The following PRP4K variants were observed in gnomAD, a reference collection of about 807,000 sequenced individuals.
The protein encoded by PRP4K is pre-mRNA processing factor kinase PRP4K.
At chr6:4,038,252 A>G in the PRP4K span, among the ~76,000 whole-genome samples, 1 of 152,070 alleles carries the variant, frequency 6.6e-6, no homozygotes, top group Middle Eastern at 3.2e-3. Context: ...ATGGAAATGC[A>G]TGGTCTGAGT....
chr6:4,049,924 TACAGAAGAAC>T, the PRP4K span: 1 of 1,571,770 alleles, frequency 6.4e-7, no homozygotes, highest in African/African-American at 1.4e-5. Context: ...TACGGATACT[TACAGAAGAAC>T]ATATTTTTAA....
At chr6:4,040,445 T>C in the PRP4K span, among the ~76,000 whole-genome samples, 9 of 152,100 alleles carry the variant, frequency 5.9e-5, no homozygotes, top group African/African-American at 1.9e-4. Context: ...AAAGAAACAG[T>C]AGGTATTTAT....
At chr6:4,052,008 T>C in the PRP4K span, 2 of 1,604,184 alleles carry the variant, frequency 1.2e-6, no homozygotes, top group Non-Finnish European at 1.7e-6. Context: ...TTAATGATGC[T>C]GATCCTGATG....
At chr6:4,022,821 G>A in the PRP4K span, among the ~76,000 whole-genome samples, 1 of 152,128 alleles carries the variant, frequency 6.6e-6, no homozygotes. Context: ...TGCCAGTACC[G>A]TGCAGATCTC....
At chr6:4,035,600 G>A in the PRP4K span, among the ~76,000 whole-genome samples, 19 of 152,212 alleles carry the variant, frequency 1.2e-4, 1 homozygote, top group African/African-American at 4.1e-4. Flanking sequence ...CATTTTGGCT[G>A]GATCAGAGAA....
At chr6:4,029,012 C>CTTTT in the PRP4K span, among the ~76,000 whole-genome samples, 93 of 132,552 alleles carry the variant, frequency 7.0e-4, 11 homozygotes, top group Non-Finnish European at 1.3e-3. Flanking sequence ...TACTTGGAAT[C>CTTTT]TTTTTTTTTT....
the PRP4K span, among the ~76,000 whole-genome samples, chr6:4,036,275 G>A: frequency 1.6e-3 from 241 of 152,216 alleles, 1 homozygote; most frequent in African/African-American, 3.6e-3. Flanking sequence ...AGGCTGGAGT[G>A]CAGTGGCATG....
the PRP4K span, among the ~76,000 whole-genome samples, chr6:4,026,482 T>C: frequency 0.046 from 7,057 of 151,966 alleles, 237 homozygotes; most frequent in Non-Finnish European, 0.066. Context: ...TTTTGTATTT[T>C]TGTAGAGACA....
At chr6:4,027,592 C>T in the PRP4K span, among the ~76,000 whole-genome samples, 2 of 7,904 alleles carry the variant, frequency 2.5e-4, no homozygotes, top group Non-Finnish European at 6.3e-4. Context: ...GCTTATTTGG[C>T]GGAGGGGTGG....
chr6:4,025,848 G>C, the PRP4K span, among the ~76,000 whole-genome samples: 1 of 152,200 alleles, frequency 6.6e-6, no homozygotes, highest in African/African-American at 2.4e-5. Context: ...AAGTAATTTT[G>C]AATATCACGC....
the PRP4K span, chr6:4,052,921 AC>A: frequency 6.7e-7 from 1 of 1,500,104 alleles, no homozygotes; most frequent in Non-Finnish European, 9.0e-7. Flanking sequence ...CATACATTTC[AC>A]TTCTTACTAG....
chr6:4,021,595 T>A, the PRP4K span: 1 of 1,322,278 alleles, frequency 7.6e-7, no homozygotes, highest in Non-Finnish European at 1.1e-6. Context: ...CGCGATTCGT[T>A]GTGGGGTGGG....
the PRP4K span, among the ~76,000 whole-genome samples, chr6:4,034,168 T>A: frequency 6.7e-6 from 1 of 148,964 alleles, no homozygotes; most frequent in African/African-American, 2.4e-5. Flanking sequence ...TTTTTTTTTT[T>A]AACAAAACTG....
chr6:4,033,494 A>G, the PRP4K span, among the ~76,000 whole-genome samples: 1 of 152,220 alleles, frequency 6.6e-6, no homozygotes, highest in Admixed American at 6.5e-5. Flanking sequence ...GTAGGATCAT[A>G]GAACGGAAGT....
chr6:4,031,540 GTGT>G, the PRP4K span: 1 of 1,435,104 alleles, frequency 7.0e-7, no homozygotes, highest in Middle Eastern at 1.9e-4. Context: ...ATTTTAAAAT[GTGT>G]TTGATATATT....
the PRP4K span, among the ~76,000 whole-genome samples, chr6:4,024,896 A>T: frequency 2.6e-5 from 4 of 152,168 alleles, no homozygotes; most frequent in Admixed American, 2.6e-4. Flanking sequence ...AAGCCACTGC[A>T]CCTGACCGTG....
At chr6:4,023,717 T>C in the PRP4K span, among the ~76,000 whole-genome samples, 1 of 152,192 alleles carries the variant, frequency 6.6e-6, no homozygotes, top group African/African-American at 2.4e-5. Flanking sequence ...ATTCTTTTTG[T>C]TCATTTTATT....
the PRP4K span, among the ~76,000 whole-genome samples, chr6:4,050,987 G>A: frequency 1.3e-5 from 2 of 152,030 alleles, no homozygotes; most frequent in Non-Finnish European, 2.9e-5. Flanking sequence ...TCGGCTCACT[G>A]TAACCTCTGC....
At chr6:4,021,358 T>G in the PRP4K span, 5 of 1,548,890 alleles carry the variant, frequency 3.2e-6, no homozygotes, top group East Asian at 2.4e-5. Context: ...TCCTTCTTCC[T>G]CCACTTCCCC....
Sources: gnomAD v4.1 joint callset for allele counts (sites outside exome capture counted in the v4.1 genomes callset) on GRCh38, gnomAD v4.1.1 for gene constraint, MANE v1.5 for transcripts, NCBI Gene and HGNC (gene_info 2026-07-23, HGNC 2026-07-21) for gene names.